The following CCDC170 variants were observed in gnomAD, a reference collection of about 807,000 sequenced individuals.
CCDC170 encodes the protein coiled-coil domain containing 170.
A neutral mutation model predicts 72.6 loss-of-function variants in CCDC170; 69 were observed. The ratio of observed to expected loss-of-function variants is 0.95; its 90% CI spans 0.78 to 1.16. The LOEUF (loss-of-function observed/expected upper bound fraction) is 1.16, where lower values mean the gene tolerates loss of function less well. CCDC170 is among the 50% of genes most tolerant of loss of function. The pLI is 0.00. For missense variants in CCDC170, 852 were observed against 832.5 expected (o/e 1.02, Z -0.29); for synonymous variants, 300 against 303.9 (o/e 0.99, Z 0.13).
intron 4 of CCDC170, among the ~76,000 whole-genome samples, chr6:151,545,354 G>T (rs1374541942): frequency 6.6e-6 from 1 of 151,996 alleles, no homozygotes; most frequent in African/African-American, 2.4e-5. Flanking sequence ...GGAGGCGGAG[G>T]TTGCAGTGAG....
intron 7 of CCDC170, among the ~76,000 whole-genome samples, chr6:151,587,252 T>C (rs1185580621): frequency 2.0e-5 from 3 of 151,972 alleles, no homozygotes; most frequent in Non-Finnish European, 4.4e-5. Context: ...TCAGTGATCT[T>C]TGAGAGGCAG....
Position 151,618,150 on chromosome 6 carries a change from A to G in CCDC170, c.*3A>G. The G allele has an allele frequency of 6.2e-7, 1 of 1,612,524 alleles. No individual in the cohort carries two copies. The highest frequency in any genetic ancestry group is 8.5e-7 in the Non-Finnish European group (1 of 1,178,926). ...GCCATTTACAGCTTCTTCATTGAAC[A>G]CTGTATCTCTTGAGAGAGGTGGCCA... On this transcript the variant is annotated 3_prime_UTR_variant, in exon 11 of 11. Transcript: ENST00000239374.
intron 1 of CCDC170, among the ~76,000 whole-genome samples, chr6:151,526,142 T>C: frequency 6.8e-6 from 1 of 146,896 alleles, no homozygotes; most frequent in Admixed American, 6.8e-5. Flanking sequence ...CTTCCCTCCC[T>C]CCCTCTCTCC....
intron 9 of CCDC170, among the ~76,000 whole-genome samples, chr6:151,604,956 A>G (rs1562297566): frequency 6.6e-6 from 1 of 152,208 alleles, no homozygotes; most frequent in Non-Finnish European, 1.5e-5. Context: ...GTTGTTAACT[A>G]GAATCACCCT....
chr6:151,562,469 G>A (rs988094598), intron 5 of CCDC170, among the ~76,000 whole-genome samples: 1 of 152,080 alleles, frequency 6.6e-6, no homozygotes, highest in Non-Finnish European at 1.5e-5. Context: ...TGATTTCAGA[G>A]GGCCAAAGTG....
intron 6 of CCDC170, among the ~76,000 whole-genome samples, chr6:151,582,762 A>G (rs1245211151): frequency 6.6e-6 from 1 of 152,102 alleles, no homozygotes; most frequent in Non-Finnish European, 1.5e-5. Context: ...AGGGAGAGAG[A>G]GGAGGAGGTG....
chr6:151,515,178 G>C (rs969868672), intron 1 of CCDC170, among the ~76,000 whole-genome samples: 7 of 152,242 alleles, frequency 4.6e-5, no homozygotes, highest in Non-Finnish European at 8.8e-5. Flanking sequence ...CAAGAGCCTG[G>C]GAGAGATGTC....
chr6:151,555,246 T>G (rs967946510), intron 5 of CCDC170, among the ~76,000 whole-genome samples: 2 of 152,260 alleles, frequency 1.3e-5, no homozygotes, highest in African/African-American at 4.8e-5. Context: ...ACGTTAGAAT[T>G]AAATGGTAAA....
chr6:151,546,762 C>G (rs1782777684), intron 4 of CCDC170, among the ~76,000 whole-genome samples: 1 of 152,206 alleles, frequency 6.6e-6, no homozygotes, highest in African/African-American at 2.4e-5. Flanking sequence ...GCTTTTCTCC[C>G]CACTTCTTCT....
intron 1 of CCDC170, among the ~76,000 whole-genome samples, chr6:151,518,872 A>G (rs6930326): frequency 0.13 from 19,795 of 152,184 alleles, 1,444 homozygotes; most frequent in Middle Eastern, 0.21. Context: ...GCAGGTCACA[A>G]AGATCACATG....
intron 9 of CCDC170, among the ~76,000 whole-genome samples, chr6:151,613,588 G>T (rs977806287): frequency 3.3e-5 from 5 of 152,146 alleles, no homozygotes; most frequent in African/African-American, 4.8e-5. Flanking sequence ...TGGGATAATA[G>T]AATATGTGTT....
At position 151,571,457 on chromosome 6, in the gene CCDC170, GA is replaced by G. The variant is rs1404635308; in HGVS notation, c.775-1716del. Among the ~76,000 whole-genome samples the G allele has an allele frequency of 4.3e-4, 66 of 152,252 alleles. 1 individual carries two copies. Among genetic ancestry groups the G allele is most frequent in the Non-Finnish European group, 1.6e-4 (11 of 68,024 alleles). ...AATAATTTTAAAAATCAATTTTAAA[GA>G]TGCTCATGCCTGTAATCCCAGCACT... On this transcript the variant is annotated intron_variant, in intron 5 of 10. Coordinates refer to ENST00000239374, the MANE Select transcript of CCDC170 (RefSeq NM_025059.4).
At chr6:151,571,130 A>T (rs553448361) in intron 5 of CCDC170, among the ~76,000 whole-genome samples, 1 of 152,288 alleles carries the variant, frequency 6.6e-6, no homozygotes, top group African/African-American at 2.4e-5. Context: ...GTTTCAGGCT[A>T]TCCTTTTTCC....
At chr6:151,540,561 A>AT (rs1782672748) in intron 3 of CCDC170, among the ~76,000 whole-genome samples, 2 of 150,542 alleles carry the variant, frequency 1.3e-5, no homozygotes, top group Non-Finnish European at 3.0e-5. Context: ...AATATTTTGT[A>AT]TTTTTAGTAG....
At chr6:151,521,156 C>T (rs1479529755) in intron 1 of CCDC170, among the ~76,000 whole-genome samples, 3 of 152,134 alleles carry the variant, frequency 2.0e-5, no homozygotes, top group Non-Finnish European at 4.4e-5. Flanking sequence ...TTCCTTCTTA[C>T]CCTCCCCAGC....
chr6:151,511,134 G>A (rs1484778491), intron 1 of CCDC170, among the ~76,000 whole-genome samples: 1 of 152,152 alleles, frequency 6.6e-6, no homozygotes, highest in South Asian at 2.1e-4. Context: ...TATCTTGGTC[G>A]ACTGTCTACT....
Position 151,593,218 on chromosome 6 carries a change from GT to G in CCDC170, c.1407del (p.Arg470ValfsTer21). 2 of 1,614,168 alleles carry G rather than the reference GT, an allele frequency of 1.2e-6. No homozygotes were observed. Among genetic ancestry groups the G allele is most frequent in the Non-Finnish European group, 1.7e-6 (2 of 1,180,036 alleles). ...DVVLARTEQL[V>X]RLESNAVIEN... ...GGTTTTAGCTCGAACAGAGCAGCTGGTTCGTCTTGAGAGCAATGCAGTCATT... is the reference window on the plus strand; with the variant it reads ...GGTTTTAGCTCGAACAGAGCAGCTGGTCGTCTTGAGAGCAATGCAGTCATT... On this transcript the variant is annotated frameshift_variant, in exon 8 of 11. Coordinates refer to ENST00000239374, the MANE Select transcript of CCDC170 (RefSeq NM_025059.4). LOFTEE classifies it high-confidence loss of function.
At chr6:151,512,700 AGTGTTT>A (rs1190022674) in intron 1 of CCDC170, among the ~76,000 whole-genome samples, 6,193 of 113,400 alleles carry the variant, frequency 0.055, 455 homozygotes, top group African/African-American at 0.18. Flanking sequence ...ATGTTAGTAA[AGTGTTT>A]AACCGAGTTC....
chr6:151,532,264 T>A (rs1162885788), intron 1 of CCDC170, among the ~76,000 whole-genome samples: 2 of 152,180 alleles, frequency 1.3e-5, no homozygotes, highest in East Asian at 3.8e-4. Flanking sequence ...AAAGATAATA[T>A]TTTTAGAGAT....
Sources: allele counts gnomAD v4.1 joint callset (sites outside exome capture counted in the v4.1 genomes callset), GRCh38; gene constraint gnomAD v4.1.1; transcripts MANE v1.5; gene names NCBI Gene and HGNC (gene_info 2026-07-23, HGNC 2026-07-21).